The following BMPR1B variants were observed in gnomAD, a reference collection of about 807,000 sequenced individuals.
The protein encoded by BMPR1B is bone morphogenetic protein receptor type-1B.
Under a neutral mutation model 59.1 loss-of-function variants are expected in BMPR1B, and 12 were observed. The ratio of observed to expected loss-of-function variants is 0.20; its 90% CI spans 0.13 to 0.33. The LOEUF (loss-of-function observed/expected upper bound fraction) is 0.33, where lower values mean the gene tolerates loss of function less well. Ranked by LOEUF, BMPR1B falls within the 10% of genes least tolerant of loss-of-function variation. The pLI, the probability that BMPR1B is intolerant of heterozygous loss-of-function variation, is 1.00. For synonymous variants in BMPR1B, 237 were observed against 207.3 expected, an observed-to-expected ratio of 1.14 and a Z score of -1.23; for missense variants, 550 against 610.9, an observed-to-expected ratio of 0.90 and a Z score of 1.05.
chr4:94,845,343 C>CT lies in BMPR1B; in HGVS notation c.-182-30471dup, dbSNP rs33971989. On this transcript the variant is annotated intron_variant, in intron 1 of 12. Coordinates refer to ENST00000515059, the MANE Select transcript of BMPR1B (RefSeq NM_001203.3). ...GAGACTGACAATAACCAAGGAAATTCTTTTTTTTTTTTTTTTTAAGATGGA... is the reference window on the plus strand; with the variant it reads ...GAGACTGACAATAACCAAGGAAATTCTTTTTTTTTTTTTTTTTTAAGATGGA... 7.4e-3 allele frequency among the ~76,000 whole-genome samples: 1,053 copies of CT among 142,500 alleles called. 7 individuals are homozygous for CT. Among genetic ancestry groups the CT allele is most frequent in the African/African-American group, 0.023 (882 of 38,766 alleles). The allele number at this position is 142,500 out of a possible 152,430, so 93.5% of individuals were successfully genotyped here.
chr4:94,871,008 G>A (rs1024442271), intron 1 of BMPR1B, among the ~76,000 whole-genome samples: 59 of 151,874 alleles, frequency 3.9e-4, no homozygotes, highest in African/African-American at 1.4e-3. Context: ...GCGGGGGGGC[G>A]GGGTAAGAGG....
chr4:95,034,915 C>G lies in BMPR1B; in HGVS notation c.-18+38781C>G, dbSNP rs1267462032. Among the ~76,000 whole-genome samples the G allele has an allele frequency of 3.9e-5, 6 of 152,140 alleles. No individual in the cohort carries two copies. In the East Asian group the frequency reaches 1.2e-3, roughly 29 times the overall value. On this transcript the variant is annotated intron_variant, in intron 3 of 12. Coordinates refer to ENST00000515059, the MANE Select transcript of BMPR1B (RefSeq NM_001203.3). ...TCACCAGCAGTATACTAGTTGTTCC[C>G]TTTTCACCACATCCATGCCAACATC...
chr4:95,099,904 G>A (rs1325029557), intron 3 of BMPR1B, among the ~76,000 whole-genome samples: 2 of 151,952 alleles, frequency 1.3e-5, no homozygotes, highest in Non-Finnish European at 1.5e-5. Context: ...CCCATCTCTC[G>A]TCTGTATAAG....
intron 1 of BMPR1B, among the ~76,000 whole-genome samples, chr4:94,802,785 T>A (rs901813764): frequency 6.6e-6 from 1 of 152,172 alleles, no homozygotes; most frequent in Non-Finnish European, 1.5e-5. Context: ...CACTGTTAAA[T>A]CAGTCTGGAT....
intron 10 of BMPR1B, among the ~76,000 whole-genome samples, chr4:95,133,743 T>C (rs76645260): frequency 0.029 from 4,459 of 151,590 alleles, 232 homozygotes; most frequent in African/African-American, 0.1. Context: ...GGCTAATTTT[T>C]TTTTTTTTTA....
intron 1 of BMPR1B, among the ~76,000 whole-genome samples, chr4:94,793,880 G>A (rs1393561759): frequency 3.3e-5 from 5 of 149,988 alleles, no homozygotes; most frequent in African/African-American, 9.9e-5. Flanking sequence ...TTTTTTTCTT[G>A]TAAATTTGTT....
intron 2 of BMPR1B, among the ~76,000 whole-genome samples, chr4:94,942,192 G>T (rs1362260197): frequency 6.6e-6 from 1 of 151,258 alleles, no homozygotes; most frequent in Non-Finnish European, 1.5e-5. Flanking sequence ...TTTAAATGGA[G>T]TCAGAATAAT....
At chr4:95,037,161 T>C (rs187460783) in intron 3 of BMPR1B, among the ~76,000 whole-genome samples, 92 of 152,222 alleles carry the variant, frequency 6.0e-4, no homozygotes, top group African/African-American at 2.0e-3. Flanking sequence ...TCCGTGTTAG[T>C]GGAGTGCTAC....
chr4:94,886,750 A>G lies in BMPR1B; in HGVS notation c.-113+10850A>G, dbSNP rs535739625. ...ATAACTGTAAGTTCTGCAGTCCTTC[A>G]TACTCCTGCCCCTTTCCTGTCATGC... On this transcript the variant is annotated intron_variant, in intron 2 of 12. Coordinates refer to ENST00000515059, the MANE Select transcript of BMPR1B (RefSeq NM_001203.3). 3.9e-4 allele frequency among the ~76,000 whole-genome samples: 60 copies of G among 152,322 alleles called. No individual in the cohort carries two copies. The Middle Eastern group carries it at 0.014, about 35-fold the overall frequency.
intron 2 of BMPR1B, among the ~76,000 whole-genome samples, chr4:94,978,627 A>G (rs1731117117): frequency 6.6e-6 from 1 of 152,210 alleles, no homozygotes; most frequent in Admixed American, 6.5e-5. Flanking sequence ...GGGAAATCAT[A>G]TAATATCACA....
At chr4:95,071,499 A>T (rs985301613) in intron 3 of BMPR1B, among the ~76,000 whole-genome samples, 9 of 151,946 alleles carry the variant, frequency 5.9e-5, no homozygotes, top group African/African-American at 2.2e-4. Flanking sequence ...GATACTTTGC[A>T]GTACACTAAG....
At chr4:94,963,354 C>T (rs1244872655) in intron 2 of BMPR1B, among the ~76,000 whole-genome samples, 1 of 151,992 alleles carries the variant, frequency 6.6e-6, no homozygotes, top group Admixed American at 6.6e-5. Flanking sequence ...TTCGTGTGAT[C>T]CCACTTACCT....
intron 3 of BMPR1B, among the ~76,000 whole-genome samples, chr4:95,050,750 G>C (rs139192146): frequency 2.6e-5 from 4 of 151,966 alleles, no homozygotes; most frequent in Non-Finnish European, 5.9e-5. Flanking sequence ...TAATAATGAC[G>C]TCTTTTTGTA....
intron 3 of BMPR1B, among the ~76,000 whole-genome samples, chr4:95,070,557 T>C (rs1223085452): frequency 6.6e-6 from 1 of 152,114 alleles, no homozygotes; most frequent in African/African-American, 2.4e-5. Flanking sequence ...GTCACTAAGA[T>C]GCTTGGTAGT....
In BMPR1B at chr4:95,148,806, C is replaced by T. The variant is rs1734830419; in HGVS notation, c.1135C>T (p.Pro379Ser). The change falls in exon 11 of 13, where the codon CCT becomes TCT. Residue 379 changes from proline to serine, a missense_variant. Pro to Ser is a moderately conservative substitution (Grantham distance 74). This residue lies in a region of BMPR1B where 123 missense variants were observed against 164.6 expected (regional missense o/e 0.75). Coordinates refer to ENST00000515059, the MANE Select transcript of BMPR1B (RefSeq NM_001203.3). ...TCGAGTTGGCACCAAACGCTATATG[C>T]CTCCAGAAGTGTTGGACGAGAGCTT... Reference protein sequence around the residue: ...NTRVGTKRYMPPEVLDESLNR... With the variant: ...NTRVGTKRYMSPEVLDESLNR... 6.2e-7 allele frequency: 1 copy of T among 1,613,864 alleles called. No homozygotes were observed. Among genetic ancestry groups the T allele is most frequent in the African/African-American group, 1.3e-5 (1 of 74,878 alleles).
At chr4:94,943,973 C>G (rs1729612467) in intron 2 of BMPR1B, among the ~76,000 whole-genome samples, 1 of 152,068 alleles carries the variant, frequency 6.6e-6, no homozygotes, top group Admixed American at 6.6e-5. Flanking sequence ...AAACCCTAAC[C>G]CTTTTGAGTA....
chr4:95,113,624 G>T (rs562408194), intron 4 of BMPR1B, among the ~76,000 whole-genome samples: 2 of 152,294 alleles, frequency 1.3e-5, no homozygotes, highest in South Asian at 2.1e-4. Flanking sequence ...AAGACATTCA[G>T]TGCTGGTTTA....
At chr4:95,120,684 T>G (rs1258952065) in intron 6 of BMPR1B, among the ~76,000 whole-genome samples, 5 of 124,208 alleles carry the variant, frequency 4.0e-5, no homozygotes, top group South Asian at 5.0e-4. Flanking sequence ...TTTTCTTTTC[T>G]TTCTTTCTTT....
At chr4:94,881,402 T>A (rs1726964284) in intron 2 of BMPR1B, among the ~76,000 whole-genome samples, 2 of 152,154 alleles carry the variant, frequency 1.3e-5, no homozygotes, top group South Asian at 4.1e-4. Flanking sequence ...GCATAGGTGA[T>A]CTTCAGCAGA....
Sources: allele counts gnomAD v4.1 joint callset (sites outside exome capture counted in the v4.1 genomes callset), GRCh38; gene constraint gnomAD v4.1.1; regional missense constraint gnomAD v4.1.1; transcripts MANE v1.5; gene names NCBI Gene and HGNC (gene_info 2026-07-23, HGNC 2026-07-21).